TTC23: variants seen among roughly 807,000 people sequenced by gnomAD.
TTC23 encodes tetratricopeptide repeat protein 23.
Under a neutral mutation model 55.1 loss-of-function variants are expected in TTC23, and 58 were observed. The observed-to-expected ratio is 1.05, with a 90% CI of 0.85 to 1.31. TTC23 has a LOEUF of 1.31. Among genes scored for constraint, TTC23 ranks in the 50% most tolerant of loss-of-function variants. The pLI is 0.00. For missense variants in TTC23, 516 were observed against 534.4 expected (o/e 0.97, Z 0.34); for synonymous variants, 203 against 199.9 (o/e 1.02, Z -0.13).
At chr15:99,244,682 C>T (rs564668463) in intron 2 of TTC23, among the ~76,000 whole-genome samples, 1 of 152,114 alleles carries the variant, frequency 6.6e-6, no homozygotes, top group South Asian at 2.1e-4. Flanking sequence ...TTAAAAGCCT[C>T]AATATTAAGA....
chr15:99,143,958 C>T (rs527274117), intron 12 of TTC23, among the ~76,000 whole-genome samples: 3 of 152,284 alleles, frequency 2.0e-5, no homozygotes, highest in African/African-American at 7.2e-5. Context: ...CAGTTGGACC[C>T]TAGGGCTCCA....
intron 3 of TTC23, among the ~76,000 whole-genome samples, chr15:99,239,252 C>T (rs934855345): frequency 6.6e-6 from 1 of 152,008 alleles, no homozygotes; most frequent in Non-Finnish European, 1.5e-5. Flanking sequence ...TGTGGGAGGT[C>T]GAGGCATGCA....
intron 12 of TTC23, among the ~76,000 whole-genome samples, chr15:99,142,265 C>T (rs2068320606): frequency 6.6e-6 from 1 of 152,130 alleles, no homozygotes; most frequent in African/African-American, 2.4e-5. Context: ...TCAGAAAGGG[C>T]CACAGAGCAA....
Position 99,228,727 on chromosome 15 carries a change from T to C in TTC23, c.-15A>G. On this transcript the variant is annotated 5_prime_UTR_variant, in exon 5 of 14. Coordinates refer to ENST00000394132, the MANE Select transcript of TTC23 (RefSeq NM_001288615.3). ...GATTCTTGCATATTTTTATATACAT[T>C]GTCTTCTAATTTTAAAATAAAAAAC... 3.2e-6 allele frequency: 5 copies of C among 1,547,774 alleles called. No individual in the cohort carries two copies. Among genetic ancestry groups the C allele is most frequent in the Non-Finnish European group, 4.4e-6 (5 of 1,146,640 alleles).
intron 8 of TTC23, among the ~76,000 whole-genome samples, chr15:99,213,903 T>G (rs2077237688): frequency 6.6e-6 from 1 of 152,224 alleles, no homozygotes; most frequent in Non-Finnish European, 1.5e-5. Flanking sequence ...ATTGGGTGTA[T>G]AATTTAGTAG....
chr15:99,183,607 G>C (rs1315968807), intron 9 of TTC23, among the ~76,000 whole-genome samples: 1 of 151,280 alleles, frequency 6.6e-6, no homozygotes, highest in Non-Finnish European at 1.5e-5. Context: ...CCAAAGTGCT[G>C]GGATTACAAG....
chr15:99,164,750 T>C (rs1216331327), intron 10 of TTC23, among the ~76,000 whole-genome samples: 1 of 152,220 alleles, frequency 6.6e-6, no homozygotes, highest in African/African-American at 2.4e-5. Flanking sequence ...ATTTTTCTCA[T>C]TCTGTGACGG....
chr15:99,146,620 A>T (rs1437122797), intron 12 of TTC23, among the ~76,000 whole-genome samples: 1 of 152,228 alleles, frequency 6.6e-6, no homozygotes, highest in African/African-American at 2.4e-5. Context: ...GGGACAATTG[A>T]TGACCCTCTG....
chr15:99,168,386 A>G (rs1027206464), intron 10 of TTC23, among the ~76,000 whole-genome samples: 1 of 152,102 alleles, frequency 6.6e-6, no homozygotes, highest in Admixed American at 6.5e-5. Flanking sequence ...GCCCCCCTCC[A>G]TGACCACAAC....
intron 10 of TTC23, among the ~76,000 whole-genome samples, chr15:99,174,423 C>G (rs982702804): frequency 6.7e-6 from 1 of 149,252 alleles, no homozygotes; most frequent in Admixed American, 6.7e-5. Context: ...ACCCCTAGGT[C>G]TTCTTTATGA....
At chr15:99,225,761 G>T (rs1294866872) in intron 5 of TTC23, among the ~76,000 whole-genome samples, 2 of 152,196 alleles carry the variant, frequency 1.3e-5, no homozygotes, top group African/African-American at 4.8e-5. Flanking sequence ...GCAGAGTGAA[G>T]TTTTAAATAT....
At chr15:99,186,907 C>T (rs2074719253) in intron 9 of TTC23, among the ~76,000 whole-genome samples, 2 of 152,026 alleles carry the variant, frequency 1.3e-5, no homozygotes, top group South Asian at 2.1e-4. Flanking sequence ...ATAATCCCTA[C>T]CAAAATCCTG....
At chr15:99,170,776 A>G (rs533419884) in intron 10 of TTC23, among the ~76,000 whole-genome samples, 69 of 152,340 alleles carry the variant, frequency 4.5e-4, no homozygotes, top group Admixed American at 2.1e-3. Flanking sequence ...GTGACATAAA[A>G]GACACTGGGA....
At chr15:99,186,766 T>C (rs1481511018) in intron 9 of TTC23, among the ~76,000 whole-genome samples, 1 of 152,106 alleles carries the variant, frequency 6.6e-6, no homozygotes, top group Non-Finnish European at 1.5e-5. Flanking sequence ...AAGATTATAC[T>C]CTAAAAACTA....
chr15:99,207,650 A>G (rs2076730405), intron 8 of TTC23, among the ~76,000 whole-genome samples: 1 of 152,162 alleles, frequency 6.6e-6, no homozygotes, highest in Non-Finnish European at 1.5e-5. Context: ...CCAACTACTC[A>G]GGAGGGTGAA....
At chr15:99,171,529 T>C (rs537482185) in intron 10 of TTC23, among the ~76,000 whole-genome samples, 21 of 151,412 alleles carry the variant, frequency 1.4e-4, no homozygotes, top group Non-Finnish European at 2.9e-4. Context: ...GTCACTATTA[T>C]GATTCTTGCT....
intron 5 of TTC23, among the ~76,000 whole-genome samples, chr15:99,226,788 G>A (rs574693840): frequency 6.6e-6 from 1 of 152,126 alleles, no homozygotes; most frequent in South Asian, 2.1e-4. Context: ...CGTCTTCCTG[G>A]AGGCCCTCCC....
chr15:99,150,249 C>T (rs1596263191), intron 12 of TTC23, among the ~76,000 whole-genome samples: 1 of 152,216 alleles, frequency 6.6e-6, no homozygotes, highest in East Asian at 1.9e-4. Context: ...ACAAAGAAAA[C>T]TGAGTCCTCT....
At chr15:99,232,984 G>A (rs1378756179) in intron 4 of TTC23, among the ~76,000 whole-genome samples, 2 of 152,308 alleles carry the variant, frequency 1.3e-5, no homozygotes, top group East Asian at 3.9e-4. Context: ...TGTCATTTGT[G>A]ACAACATGAT....
Sources: allele counts gnomAD v4.1 joint callset (sites outside exome capture counted in the v4.1 genomes callset), GRCh38; gene constraint gnomAD v4.1.1; transcripts MANE v1.5; gene names NCBI Gene and HGNC (gene_info 2026-07-23, HGNC 2026-07-21).